The following SEC22A variants were observed in gnomAD, a reference collection of about 807,000 sequenced individuals.
SEC22A encodes the protein SEC22 homolog A, vesicle trafficking protein, also known as vesicle-trafficking protein SEC22a.
A neutral mutation model predicts 35.3 loss-of-function variants in SEC22A; 22 were observed. The observed-to-expected ratio is 0.62, with a 90% CI of 0.45 to 0.89. SEC22A has a LOEUF of 0.89. Among genes scored for constraint, SEC22A ranks in the 40% least tolerant of loss-of-function variants. The pLI, the probability that SEC22A is intolerant of heterozygous loss-of-function variation, is 0.00. For synonymous variants in SEC22A, 119 were observed against 129.5 expected (o/e 0.92, Z 0.55); for missense variants, 354 against 362.5 (o/e 0.98, Z 0.19).
intron 4 of SEC22A, among the ~76,000 whole-genome samples, chr3:123,233,661 A>AG (rs386397800): frequency 1.3e-5 from 2 of 152,132 alleles, no homozygotes; most frequent in Non-Finnish European, 2.9e-5. Flanking sequence ...AAACAAAAAA[A>AG]AACACTCAAC....
intron 6 of SEC22A, 32 bp from the exon 7 acceptor site, chr3:123,271,490 C>T: frequency 6.4e-7 from 1 of 1,559,540 alleles, no homozygotes; most frequent in Non-Finnish European, 8.8e-7. Flanking sequence ...TCCTGTAACC[C>T]TAATCATCTT....
Position 123,257,993 on chromosome 3 carries a change from T to C in SEC22A, c.658-1531T>C, listed in dbSNP as rs541440423. On this transcript the variant is annotated intron_variant, in intron 5 of 6. Coordinates refer to ENST00000492595, the MANE Select transcript of SEC22A (RefSeq NM_012430.5). ...GGTGACAGAGCAAGACTCCATCTCA[T>C]TGAAAAAAAAAAAAAGGAAGGAAGG... 4.8e-3 allele frequency among the ~76,000 whole-genome samples: 453 copies of C among 94,562 alleles called. 3 individuals carry two copies. The highest frequency in any genetic ancestry group is 0.012 in the African/African-American group (303 of 25,542). The allele number at this position is 94,562 out of a possible 152,430, so 62.0% of individuals were successfully genotyped here.
intron 6 of SEC22A, among the ~76,000 whole-genome samples, chr3:123,263,884 T>G (rs999685253): frequency 2.0e-5 from 3 of 151,892 alleles, no homozygotes; most frequent in Non-Finnish European, 4.4e-5. Context: ...CTGAGTAGTA[T>G]TCTATGATAT....
At chr3:123,204,429 A>G (rs1313653755) in intron 1 of SEC22A, among the ~76,000 whole-genome samples, 1 of 152,222 alleles carries the variant, frequency 6.6e-6, no homozygotes, top group Non-Finnish European at 1.5e-5. Context: ...TTTTTATCTT[A>G]AAAGTGGCAT....
intron 2 of SEC22A, among the ~76,000 whole-genome samples, chr3:123,212,104 C>T (rs1026579657): frequency 6.6e-6 from 1 of 151,860 alleles, no homozygotes; most frequent in Non-Finnish European, 1.5e-5. Flanking sequence ...CAAGGTAGTT[C>T]AGTGGAGATG....
intron 4 of SEC22A, among the ~76,000 whole-genome samples, chr3:123,231,082 A>G (rs1937317707): frequency 6.6e-6 from 1 of 152,202 alleles, no homozygotes; most frequent in Non-Finnish European, 1.5e-5. Context: ...ATGACATTTT[A>G]TAATGATAAA....
intron 4 of SEC22A, among the ~76,000 whole-genome samples, chr3:123,236,846 C>T (rs1032935497): frequency 6.6e-6 from 1 of 151,862 alleles, no homozygotes; most frequent in African/African-American, 2.4e-5. Context: ...TATGCACGAT[C>T]TGATAGAAAC....
In SEC22A at chr3:123,272,796, G is replaced by A. The variant is rs1216439762; in HGVS notation, c.*1074G>A. 3 of 153,780 alleles carry A rather than the reference G, an allele frequency of 2.0e-5. No homozygotes were observed. Among genetic ancestry groups the A allele is most frequent in the South Asian group, 4.1e-4 (2 of 4,832 alleles). 9.5% of individuals were successfully genotyped at this position (153,780 alleles called of 1,614,324 possible). A position where few individuals can be genotyped will look rare whatever the true frequency, so the allele number is the denominator to read the frequency against. On this transcript the variant is annotated 3_prime_UTR_variant, in exon 7 of 7. Transcript: ENST00000492595. ...TATTCTATGTTGTGCATCACTTAAA[G>A]ACATGTTGTGTGCCACCAGTGGCAT...
intron 6 of SEC22A, among the ~76,000 whole-genome samples, chr3:123,264,204 C>T (rs1937968351): frequency 6.6e-6 from 1 of 152,184 alleles, no homozygotes; most frequent in African/African-American, 2.4e-5. Flanking sequence ...GCCACAACAT[C>T]CAGCTTCATT....
At chr3:123,269,185 G>A (rs1046355225) in intron 6 of SEC22A, among the ~76,000 whole-genome samples, 1 of 94,942 alleles carries the variant, frequency 1.1e-5, no homozygotes, top group Non-Finnish European at 2.4e-5. Context: ...ATATATGTGT[G>A]TGTGTGTGTG....
At chr3:123,217,269 C>G (rs1290784912) in intron 2 of SEC22A, among the ~76,000 whole-genome samples, 2 of 151,826 alleles carry the variant, frequency 1.3e-5, no homozygotes, top group Non-Finnish European at 2.9e-5. Flanking sequence ...ACGATCTTGG[C>G]TCACTGCAAG....
At chr3:123,211,052 T>C (rs925134866) in intron 2 of SEC22A, among the ~76,000 whole-genome samples, 2 of 152,046 alleles carry the variant, frequency 1.3e-5, no homozygotes, top group Non-Finnish European at 2.9e-5. Context: ...ATGTAATATG[T>C]TATAGGAAGC....
At chr3:123,205,697 A>G (rs927230325) in intron 1 of SEC22A, among the ~76,000 whole-genome samples, 3 of 151,900 alleles carry the variant, frequency 2.0e-5, no homozygotes, top group African/African-American at 7.3e-5. Context: ...AAAACAAAAC[A>G]AAAAAACAAC....
intron 5 of SEC22A, among the ~76,000 whole-genome samples, chr3:123,250,420 T>A (rs1006268227): frequency 2.7e-5 from 4 of 149,332 alleles, no homozygotes; most frequent in African/African-American, 9.9e-5. Context: ...AAAAAAAAAA[T>A]AAAAAAATAA....
intron 4 of SEC22A, among the ~76,000 whole-genome samples, chr3:123,233,107 G>C (rs1329044478): frequency 6.6e-6 from 1 of 152,156 alleles, no homozygotes; most frequent in Non-Finnish European, 1.5e-5. Context: ...TCCAGCCTGG[G>C]TGACAGAGCA....
chr3:123,270,619 A>G (rs1352987683), intron 6 of SEC22A, among the ~76,000 whole-genome samples: 3 of 152,212 alleles, frequency 2.0e-5, no homozygotes, highest in Non-Finnish European at 4.4e-5. Flanking sequence ...ACAGTAAAAA[A>G]TCTCACCCCT....
chr3:123,254,139 T>C (rs1262344353), intron 5 of SEC22A, among the ~76,000 whole-genome samples: 1 of 152,178 alleles, frequency 6.6e-6, no homozygotes, highest in Non-Finnish European at 1.5e-5. Context: ...AGTATCCTCC[T>C]AATACATTGT....
At chr3:123,244,723 C>G (rs1421815223) in intron 4 of SEC22A, among the ~76,000 whole-genome samples, 1 of 151,976 alleles carries the variant, frequency 6.6e-6, no homozygotes, top group African/African-American at 2.4e-5. Context: ...AGATTTAAAC[C>G]CGCCCTTATA....
intron 6 of SEC22A, among the ~76,000 whole-genome samples, chr3:123,263,299 T>A (rs934652010): frequency 3.5e-4 from 53 of 152,326 alleles, no homozygotes; most frequent in Non-Finnish European, 6.5e-4. Context: ...CTGAGGGCCC[T>A]TTTCCTGGCT....
Sources: gnomAD v4.1 joint callset for allele counts (sites outside exome capture counted in the v4.1 genomes callset) on GRCh38, gnomAD v4.1.1 for gene constraint, MANE v1.5 for transcripts, NCBI Gene and HGNC (gene_info 2026-07-23, HGNC 2026-07-21) for gene names.